Variants in TRIM2 observed in about 807,000 individuals in gnomAD.
The protein encoded by TRIM2 is tripartite motif-containing protein 2.
In TRIM2, 20 loss-of-function variants were observed where a neutral mutation model predicts 75.2. The ratio of observed to expected loss-of-function variants is 0.27; its 90% CI spans 0.19 to 0.39. The LOEUF is 0.39. Ranked by LOEUF, TRIM2 falls within the 10% of genes least tolerant of loss-of-function variation. The pLI is 1.00. For missense variants in TRIM2, 660 were observed against 990.8 expected, an observed-to-expected ratio of 0.67 and a Z score of 4.48; for synonymous variants, 373 against 388.3, an observed-to-expected ratio of 0.96 and a Z score of 0.46.
intron 8 of TRIM2, among the ~76,000 whole-genome samples, chr4:153,316,920 A>T (rs1029111829): frequency 1.9e-5 from 2 of 107,464 alleles, no homozygotes; most frequent in Non-Finnish European, 3.3e-5. Flanking sequence ...TTGCTCTGTC[A>T]CCCAGTCTGG....
chr4:153,217,610 T>C (rs1579668440), intron 1 of TRIM2, among the ~76,000 whole-genome samples: 1 of 152,242 alleles, frequency 6.6e-6, no homozygotes. Flanking sequence ...TGCCTCTCAG[T>C]AATTCTCACA....
intron 6 of TRIM2, chr4:153,308,397 G>T: frequency 1.1e-6 from 1 of 888,196 alleles, no homozygotes. Flanking sequence ...GTCCTTGTTG[G>T]TTCCCAGCCC....
At chr4:153,313,627 C>CTTT (rs398051309) in intron 6 of TRIM2, among the ~76,000 whole-genome samples, 117 of 98,510 alleles carry the variant, frequency 1.2e-3, no homozygotes, top group Non-Finnish European at 1.5e-3. Context: ...AGCAATGGCT[C>CTTT]TTTTTTTTTT....
intron 1 of TRIM2, among the ~76,000 whole-genome samples, chr4:153,211,642 T>G (rs934500414): frequency 6.6e-6 from 1 of 151,842 alleles, no homozygotes; most frequent in Non-Finnish European, 1.5e-5. Context: ...TGCACCACCA[T>G]GCCTGGCTAA....
intron 1 of TRIM2, among the ~76,000 whole-genome samples, chr4:153,170,563 T>A (rs1399197530): frequency 6.6e-6 from 1 of 152,116 alleles, no homozygotes; most frequent in Non-Finnish European, 1.5e-5. Flanking sequence ...CACAAGCTGG[T>A]TAGTACCACA....
intron 1 of TRIM2, among the ~76,000 whole-genome samples, chr4:153,194,138 A>G (rs1001967244): frequency 6.6e-6 from 1 of 152,178 alleles, no homozygotes; most frequent in African/African-American, 2.4e-5. Flanking sequence ...GCCTAAGTAT[A>G]TGTAATTTAA....
intron 1 of TRIM2, among the ~76,000 whole-genome samples, chr4:153,234,771 G>T (rs1404763127): frequency 6.6e-6 from 1 of 152,146 alleles, no homozygotes; most frequent in Non-Finnish European, 1.5e-5. Flanking sequence ...AGATCTATAG[G>T]TCAAATTTTT....
At chr4:153,223,611 G>T (rs991927888) in intron 1 of TRIM2, among the ~76,000 whole-genome samples, 3 of 152,084 alleles carry the variant, frequency 2.0e-5, no homozygotes, top group Non-Finnish European at 4.4e-5. Flanking sequence ...GCTGCATGCC[G>T]CTGACAAAGT....
intron 1 of TRIM2, among the ~76,000 whole-genome samples, chr4:153,175,175 C>A (rs559487472): frequency 6.6e-6 from 1 of 152,236 alleles, no homozygotes; most frequent in South Asian, 2.1e-4. Context: ...TGCCACAATG[C>A]CCAGCTAATT....
At chr4:153,202,533 T>A (rs1452279322), upstream of TRIM2, among the ~76,000 whole-genome samples, 1 of 150,538 alleles carries the variant, frequency 6.6e-6, no homozygotes, top group African/African-American at 2.4e-5. Context: ...AAAAAATAAA[T>A]AAATAAATAA....
At chr4:153,194,680 A>G (rs1733588861) in intron 1 of TRIM2, among the ~76,000 whole-genome samples, 2 of 152,144 alleles carry the variant, frequency 1.3e-5, no homozygotes, top group South Asian at 4.1e-4. Context: ...TGATGGTTTC[A>G]CAGGTGTTCA....
intron 8 of TRIM2, among the ~76,000 whole-genome samples, chr4:153,319,545 A>G (rs1768462834): frequency 6.6e-6 from 1 of 152,046 alleles, no homozygotes; most frequent in African/African-American, 2.4e-5. Context: ...CCTGGCCAAC[A>G]TGGTGAAATC....
At chr4:153,309,318 G>A (rs1451678254) in intron 6 of TRIM2, among the ~76,000 whole-genome samples, 1 of 152,146 alleles carries the variant, frequency 6.6e-6, no homozygotes. Context: ...GATGATCTCG[G>A]TAATGTGTCT....
At chr4:153,256,328 G>T (rs1340270506) in intron 1 of TRIM2, among the ~76,000 whole-genome samples, 1 of 152,176 alleles carries the variant, frequency 6.6e-6, no homozygotes, top group Non-Finnish European at 1.5e-5. Flanking sequence ...CAGAGCTGAG[G>T]CCCCTTCAAG....
intron 1 of TRIM2, among the ~76,000 whole-genome samples, chr4:153,239,001 C>A (rs1309914215): frequency 6.6e-6 from 1 of 152,174 alleles, no homozygotes; most frequent in Non-Finnish European, 1.5e-5. Flanking sequence ...TAGATAAGAT[C>A]ATGAGAGGTG....
chr4:153,198,133 A>G (rs889751066), intron 1 of TRIM2, among the ~76,000 whole-genome samples: 6 of 152,250 alleles, frequency 3.9e-5, no homozygotes, highest in African/African-American at 1.4e-4. Flanking sequence ...TATTTTAAAA[A>G]AGAAATTAAA....
intron 1 of TRIM2, among the ~76,000 whole-genome samples, chr4:153,239,717 A>G (rs1259824839): frequency 6.6e-6 from 1 of 152,164 alleles, no homozygotes; most frequent in African/African-American, 2.4e-5. Flanking sequence ...TCTTCAACAC[A>G]TAACATCTTT....
intron 1 of TRIM2, among the ~76,000 whole-genome samples, chr4:153,227,515 G>A (rs1742467164): frequency 6.6e-6 from 1 of 152,190 alleles, no homozygotes; most frequent in African/African-American, 2.4e-5. Flanking sequence ...ATTTAAATTA[G>A]TGTTGCACAT....
intron 1 of TRIM2, among the ~76,000 whole-genome samples, chr4:153,169,002 G>C (rs1378875380): frequency 6.6e-6 from 1 of 152,158 alleles, no homozygotes; most frequent in Non-Finnish European, 1.5e-5. Flanking sequence ...GATCACTTGA[G>C]CTTGAGAGGC....
Sources: allele counts gnomAD v4.1 joint callset (sites outside exome capture counted in the v4.1 genomes callset), GRCh38; gene constraint gnomAD v4.1.1; transcripts MANE v1.5; gene names NCBI Gene and HGNC (gene_info 2026-07-23, HGNC 2026-07-21).